The following RBMS2 variants were observed in gnomAD, a reference collection of about 807,000 sequenced individuals.
RBMS2 encodes the protein RNA-binding motif, single-stranded-interacting protein 2.
In RBMS2, 38 loss-of-function variants were observed where a neutral mutation model predicts 58.4. The observed-to-expected ratio is 0.65, with a 90% CI of 0.50 to 0.85. The LOEUF (loss-of-function observed/expected upper bound fraction) is 0.85, where lower values mean the gene tolerates loss of function less well. RBMS2 is among the 40% of genes least tolerant of loss of function. The pLI is 0.00. For missense variants in RBMS2, 367 were observed against 503.7 expected, an observed-to-expected ratio of 0.73 and a Z score of 2.60; for synonymous variants, 151 against 180.7, an observed-to-expected ratio of 0.84 and a Z score of 1.32.
Position 56,581,264 on chromosome 12 carries a change from G to T in RBMS2, c.622+1G>T, listed in dbSNP as rs1883902919. The stretch of plus-strand genomic sequence containing the variant: ...ATTAAGACACCCCCTGGAGTACCAG[G>T]TGAGGCATCTGGGGCTCAGGCTGAG... On this transcript the variant is annotated splice_donor_variant, in intron 6 of 13. Transcript: ENST00000262031. LOFTEE classifies it high-confidence loss of function. The T allele has an allele frequency of 6.3e-7, 1 of 1,599,920 alleles. No homozygotes were observed. The highest frequency in any genetic ancestry group is 2.2e-5 in the East Asian group (1 of 44,812).
At chr12:56,536,656 C>T (rs1375424086) in intron 1 of RBMS2, among the ~76,000 whole-genome samples, 2 of 151,318 alleles carry the variant, frequency 1.3e-5, no homozygotes, top group African/African-American at 4.9e-5. Context: ...CAACCTCCAC[C>T]TGGTGGGTTC....
Position 56,522,104 on chromosome 12 carries a change from T to C in RBMS2, c.66+15T>C. The C allele has an allele frequency of 6.4e-7, 1 of 1,560,572 alleles. No individual in the cohort carries two copies. ...ACAACAAGAAGGTAGGGAAAAGCGC[T>C]TTTTTGGTATCTAGCTACTTCTTTT... On this transcript the variant is annotated intron_variant, in intron 1 of 13. Transcript: ENST00000262031.
chr12:56,542,874 C>A (rs1166158390), intron 1 of RBMS2, among the ~76,000 whole-genome samples: 2 of 151,134 alleles, frequency 1.3e-5, no homozygotes, highest in African/African-American at 4.8e-5. Context: ...TTAACCATCC[C>A]ATATTTCATT....
At chr12:56,560,943 G>A (rs575346153) in intron 1 of RBMS2, among the ~76,000 whole-genome samples, 12 of 152,152 alleles carry the variant, frequency 7.9e-5, no homozygotes, top group Non-Finnish European at 1.3e-4. Flanking sequence ...AGACCCCAGT[G>A]TGTATTGTTC....
chr12:56,580,058 T>C (rs1053366199), intron 5 of RBMS2, among the ~76,000 whole-genome samples: 4 of 151,464 alleles, frequency 2.6e-5, no homozygotes, highest in Non-Finnish European at 4.4e-5. Flanking sequence ...GCCTCCCGAG[T>C]AGCTGGGACT....
At chr12:56,557,221 C>T (rs999329535) in intron 1 of RBMS2, among the ~76,000 whole-genome samples, 3 of 152,074 alleles carry the variant, frequency 2.0e-5, no homozygotes, top group Admixed American at 6.6e-5. Flanking sequence ...GGTGCTCATA[C>T]GTATTACCCT....
intron 1 of RBMS2, among the ~76,000 whole-genome samples, chr12:56,555,408 C>G (rs1458489574): frequency 6.7e-6 from 1 of 149,934 alleles, no homozygotes; most frequent in Non-Finnish European, 1.5e-5. Context: ...CCATTGTACT[C>G]CAGCCTGGGC....
rs201224590 is a variant in RBMS2 at position 56,595,943 on chromosome 12, TG to T, written c.*6812del. The T allele has an allele frequency of 0.012, 8 of 690 alleles. No individual in the cohort carries two copies. The highest frequency in any genetic ancestry group is 0.085 in the African/African-American group (8 of 94). 0.0% of individuals were successfully genotyped at this position (690 alleles called of 1,614,324 possible). Reference sequence around the variant, plus strand: ...GAGTCTTTTGAATCTCTATCAAATGTGGTTTTTTTTATTCAACAACTGACAA... The same window carrying T: ...GAGTCTTTTGAATCTCTATCAAATGTGTTTTTTTTATTCAACAACTGACAA... On this transcript the variant is annotated 3_prime_UTR_variant, in exon 14 of 14. Transcript: ENST00000262031.
In RBMS2 at chr12:56,569,926, C is replaced by G; in HGVS notation, c.320C>G (p.Pro107Arg). ...TATGGCTTTGTAGATTTTGACAGCCCTTCAGCAGCACAGAAAGCTGTAACA... is the reference window on the plus strand; with the variant it reads ...TATGGCTTTGTAGATTTTGACAGCCGTTCAGCAGCACAGAAAGCTGTAACA... Reference protein sequence around the residue: ...KGYGFVDFDSPSAAQKAVTAL... With the variant: ...KGYGFVDFDSRSAAQKAVTAL... The change falls in exon 4 of 14, where the codon CCT becomes CGT. Residue 107 changes from proline to arginine, a missense_variant. Transcript: ENST00000262031. 1 of 1,613,962 alleles carries G rather than the reference C, an allele frequency of 6.2e-7. No individual in the cohort carries two copies. The highest frequency in any genetic ancestry group is 1.6e-4 in the Middle Eastern group (1 of 6,062).
At chr12:56,536,811 C>T (rs1263340746) in intron 1 of RBMS2, among the ~76,000 whole-genome samples, 2 of 151,058 alleles carry the variant, frequency 1.3e-5, no homozygotes, top group Non-Finnish European at 2.9e-5. Flanking sequence ...TCATGATCTG[C>T]CCCCCTTGGC....
chr12:56,554,018 T>A (rs1220262870), intron 1 of RBMS2, among the ~76,000 whole-genome samples: 1 of 151,952 alleles, frequency 6.6e-6, no homozygotes, highest in Non-Finnish European at 1.5e-5. Flanking sequence ...AGAGACAGGG[T>A]TTCAGCATGT....
chr12:56,574,947 G>C (rs905873588), intron 5 of RBMS2, among the ~76,000 whole-genome samples: 2 of 151,738 alleles, frequency 1.3e-5, no homozygotes, highest in Admixed American at 1.3e-4. Flanking sequence ...AGGAGATCGA[G>C]ATCATCCTGG....
At chr12:56,576,004 G>A (rs1203796626) in intron 5 of RBMS2, among the ~76,000 whole-genome samples, 1 of 151,914 alleles carries the variant, frequency 6.6e-6, no homozygotes, top group Non-Finnish European at 1.5e-5. Flanking sequence ...TCCAGAAATA[G>A]TTACAAAGTT....
At chr12:56,558,437 A>G (rs1305349788) in intron 1 of RBMS2, among the ~76,000 whole-genome samples, 1 of 150,108 alleles carries the variant, frequency 6.7e-6, no homozygotes, top group Admixed American at 6.7e-5. Flanking sequence ...ATTATCTCAC[A>G]TTGAGAATGG....
At chr12:56,538,726 C>A (rs754577250) in intron 1 of RBMS2, among the ~76,000 whole-genome samples, 5 of 151,966 alleles carry the variant, frequency 3.3e-5, no homozygotes. Context: ...GTGATCCACC[C>A]GCCTTGGCCT....
intron 1 of RBMS2, among the ~76,000 whole-genome samples, chr12:56,526,500 C>T (rs1405978826): frequency 7.9e-5 from 12 of 151,346 alleles, no homozygotes; most frequent in Admixed American, 6.6e-4. Context: ...CTAATAAAGG[C>T]GGACTTTTTT....
rs1555188897 is a variant in RBMS2 at position 56,538,987 on chromosome 12, G to GTTTGT, written c.66+16900_66+16901insTGTTT. On this transcript the variant is annotated intron_variant, in intron 1 of 13. Coordinates refer to ENST00000262031, the MANE Select transcript of RBMS2 (RefSeq NM_002898.4). ...TTTTAATTTCCTTTTCAAATCATTC[G>GTTTGT]TTGTTAGTTATATAAAATTCAGAAA... is the stretch of plus-strand genomic sequence containing the variant. Among the ~76,000 whole-genome samples, 21 of 149,506 alleles carry GTTTGT rather than the reference G, an allele frequency of 1.4e-4. No homozygotes were observed. The South Asian group carries it at 4.4e-3, about 32-fold the overall frequency.
chr12:56,571,876 G>T, intron 5 of RBMS2, 21 bp downstream of exon 5: 1 of 1,500,956 alleles, frequency 6.7e-7, no homozygotes, highest in Non-Finnish European at 8.9e-7. Context: ...CAGGAGTGGG[G>T]AAATGATGAG....
Position 56,591,410 on chromosome 12 carries a change from A to G in RBMS2, c.*2277A>G, listed in dbSNP as rs1885296387. The stretch of plus-strand genomic sequence containing the variant: ...GGGAGTGCGGGGCAATGGGTAGGAT[A>G]TAAAGCGTAAAGGACAAATTGCCGC... On this transcript the variant is annotated 3_prime_UTR_variant, in exon 14 of 14. Coordinates refer to ENST00000262031, the MANE Select transcript of RBMS2 (RefSeq NM_002898.4). 6.6e-6 allele frequency: 1 copy of G among 152,194 alleles called. No homozygotes were observed. The highest frequency in any genetic ancestry group is 1.5e-5 in the Non-Finnish European group (1 of 68,064). The allele number at this position is 152,194 out of a possible 1,614,324, so 9.4% of individuals were successfully genotyped here. A position where few individuals can be genotyped will look rare whatever the true frequency, so the allele number is the denominator to read the frequency against.
Sources: gnomAD v4.1 joint callset for allele counts (sites outside exome capture counted in the v4.1 genomes callset) on GRCh38, gnomAD v4.1.1 for gene constraint, MANE v1.5 for transcripts, NCBI Gene and HGNC (gene_info 2026-07-23, HGNC 2026-07-21) for gene names.